Variants in ADCY1 observed in about 807,000 individuals in gnomAD.
ADCY1 encodes adenylate cyclase type 1.
Under a neutral mutation model 105.4 loss-of-function variants are expected in ADCY1, and 28 were observed. The ratio of observed to expected loss-of-function variants is 0.27; its 90% CI spans 0.20 to 0.36. ADCY1 has a LOEUF of 0.36. Ranked by LOEUF, ADCY1 falls within the 10% of genes least tolerant of loss-of-function variation. The probability of loss-of-function intolerance (pLI) is 1.00; values close to 1 mark genes in which losing one functional copy is unlikely to be tolerated. For synonymous variants in ADCY1, 655 were observed against 623.8 expected (o/e 1.05, Z -0.75); for missense variants, 977 against 1,434.2 (o/e 0.68, Z 5.15).
intron 8 of ADCY1, among the ~76,000 whole-genome samples, chr7:45,674,677 T>G (rs1400946229): frequency 6.6e-6 from 1 of 152,214 alleles, no homozygotes; most frequent in Admixed American, 6.5e-5. Flanking sequence ...CCACTGTTTC[T>G]CCTTAAATTC....
At chr7:45,668,666 T>C (rs1441659814) in intron 8 of ADCY1, among the ~76,000 whole-genome samples, 6 of 152,168 alleles carry the variant, frequency 3.9e-5, no homozygotes, top group Admixed American at 6.5e-5. Context: ...GGGAGGATTC[T>C]CTCTTTTTCT....
At chr7:45,668,813 T>C (rs938713760) in intron 8 of ADCY1, among the ~76,000 whole-genome samples, 1 of 152,218 alleles carries the variant, frequency 6.6e-6, no homozygotes, top group African/African-American at 2.4e-5. Flanking sequence ...TCAGAGCCTG[T>C]TATTTGTCTA....
intron 3 of ADCY1, among the ~76,000 whole-genome samples, chr7:45,618,471 A>G (rs1309916340): frequency 6.6e-6 from 1 of 152,228 alleles, no homozygotes; most frequent in African/African-American, 2.4e-5. Context: ...TTTGTAAACT[A>G]TTCATTTGAC....
chr7:45,615,166 G>T (rs1584272015), intron 3 of ADCY1, among the ~76,000 whole-genome samples: 1 of 152,178 alleles, frequency 6.6e-6, no homozygotes, highest in Non-Finnish European at 1.5e-5. Flanking sequence ...ATTATATCAG[G>T]TATCTTTTCT....
At chr7:45,601,473 C>T (rs905474742) in intron 2 of ADCY1, among the ~76,000 whole-genome samples, 1 of 152,166 alleles carries the variant, frequency 6.6e-6, no homozygotes, top group Non-Finnish European at 1.5e-5. Flanking sequence ...GCCTGCTGTC[C>T]ACCCTGGAAG....
intron 3 of ADCY1, among the ~76,000 whole-genome samples, chr7:45,617,601 C>T (rs1482377627): frequency 6.6e-6 from 1 of 152,136 alleles, no homozygotes; most frequent in African/African-American, 2.4e-5. Context: ...TTCCCATACA[C>T]TAATAATGTA....
At chr7:45,581,820 A>AACACATGCTCATACACAC (rs1265502640) in intron 1 of ADCY1, among the ~76,000 whole-genome samples, 4 of 152,092 alleles carry the variant, frequency 2.6e-5, no homozygotes, top group African/African-American at 9.7e-5. Flanking sequence ...CTCATGCATA[A>AACACATGCTCATACACAC]ACACATGCTC....
chr7:45,630,652 C>T (rs781751785), intron 4 of ADCY1, among the ~76,000 whole-genome samples: 1 of 151,996 alleles, frequency 6.6e-6, no homozygotes, highest in Non-Finnish European at 1.5e-5. Context: ...GCCTTTTCCC[C>T]CTCCCTCCCT....
At chr7:45,616,001 GAA>G (rs1793728095) in intron 3 of ADCY1, among the ~76,000 whole-genome samples, 1 of 152,048 alleles carries the variant, frequency 6.6e-6, no homozygotes, top group Admixed American at 6.6e-5. Flanking sequence ...GTAAATGAAA[GAA>G]GAGATATTAT....
chr7:45,589,824 C>G (rs2115761979), intron 1 of ADCY1, among the ~76,000 whole-genome samples: 1 of 152,116 alleles, frequency 6.6e-6, no homozygotes, highest in East Asian at 1.9e-4. Context: ...TGCCCAGCTC[C>G]TAGAGGAGTG....
intron 1 of ADCY1, among the ~76,000 whole-genome samples, chr7:45,590,202 G>A (rs1394242514): frequency 1.3e-5 from 2 of 152,174 alleles, no homozygotes; most frequent in African/African-American, 2.4e-5. Context: ...TGACCCGCCA[G>A]CTGTGCTATG....
chr7:45,690,322 CAG>C (rs928864821), intron 14 of ADCY1, among the ~76,000 whole-genome samples: 3 of 152,168 alleles, frequency 2.0e-5, no homozygotes, highest in Non-Finnish European at 2.9e-5. Flanking sequence ...ATTTGAAAGA[CAG>C]GGGCAGGCAC....
At chr7:45,599,053 G>A (rs906860996) in intron 2 of ADCY1, among the ~76,000 whole-genome samples, 1 of 152,186 alleles carries the variant, frequency 6.6e-6, no homozygotes, top group Non-Finnish European at 1.5e-5. Flanking sequence ...CATGCTGCCT[G>A]GTCGGGGTGA....
At chr7:45,627,746 T>C (rs1032598604) in intron 4 of ADCY1, among the ~76,000 whole-genome samples, 3 of 152,138 alleles carry the variant, frequency 2.0e-5, no homozygotes, top group African/African-American at 7.2e-5. Context: ...GACAGCTGGC[T>C]TTGGGTTTCC....
chr7:45,667,331 TCAGCTTTCTA>T (rs1784281640), intron 8 of ADCY1, among the ~76,000 whole-genome samples: 1 of 152,250 alleles, frequency 6.6e-6, no homozygotes, highest in Admixed American at 6.5e-5. Flanking sequence ...GGGTCCAGTT[TCAGCTTTCTA>T]CATATGGCTA....
chr7:45,583,951 T>TG (rs1562673093), intron 1 of ADCY1, among the ~76,000 whole-genome samples: 11 of 145,414 alleles, frequency 7.6e-5, no homozygotes, highest in African/African-American at 2.6e-4. Context: ...TTTTTTTTTT[T>TG]TTTTTTTTTT....
chr7:45,580,717 C>G (rs1013898166), intron 1 of ADCY1, among the ~76,000 whole-genome samples: 5 of 152,174 alleles, frequency 3.3e-5, no homozygotes, highest in Admixed American at 3.3e-4. Context: ...CGCAAAGGCC[C>G]AAGTGGGGCA....
chr7:45,628,769 A>C (rs983110001), intron 4 of ADCY1, among the ~76,000 whole-genome samples: 1 of 152,122 alleles, frequency 6.6e-6, no homozygotes, highest in East Asian at 1.9e-4. Flanking sequence ...GTGTGGCCTA[A>C]CTAGTGCCTG....
chr7:45,574,981 C>G lies in ADCY1; in HGVS notation c.438C>G (p.Ala146=), dbSNP rs1792290104. Residue 146 remains alanine (A), a synonymous_variant, in exon 1 of 20, where the codon GCC becomes GCG. Transcript: ENST00000297323. This position sits in a 1 kb window ranked among gnomAD's most constrained non-coding sequence, Gnocchi z 7.0. ...GTCCTTTCGCGCTGGGCGGCCCCGCCCGGGGTTCCGCCGGGGCCGCTGGGG... is the reference window on the plus strand; with the variant it reads ...GTCCTTTCGCGCTGGGCGGCCCCGCGCGGGGTTCCGCCGGGGCCGCTGGGG... ...LCCPFALGGP[A]RGSAGAAGGP... is the part of the protein sequence containing the mutation. 6.2e-7 allele frequency: 1 copy of G among 1,610,980 alleles called. No homozygotes were observed. Among genetic ancestry groups the G allele is most frequent in the Non-Finnish European group, 8.5e-7 (1 of 1,179,050 alleles).
Sources: allele counts gnomAD v4.1 joint callset (sites outside exome capture counted in the v4.1 genomes callset), GRCh38; gene constraint gnomAD v4.1.1; non-coding constraint Gnocchi (gnomAD v3.1); transcripts MANE v1.5; gene names NCBI Gene and HGNC (gene_info 2026-07-23, HGNC 2026-07-21).